RTN2: variants seen among roughly 807,000 people sequenced by gnomAD.
RTN2 encodes reticulon 2.
A neutral mutation model predicts 63.7 loss-of-function variants in RTN2; 36 were observed. The observed-to-expected ratio is 0.56, with a 90% CI of 0.43 to 0.75. The LOEUF (loss-of-function observed/expected upper bound fraction) is 0.75. Among genes scored for constraint, RTN2 ranks in the 30% least tolerant of loss-of-function variants. RTN2 has a pLI of 0.00. For missense variants in RTN2, 673 were observed against 705.1 expected (o/e 0.95, Z 0.52); for synonymous variants, 312 against 313.0 (o/e 1.00, Z 0.03).
In RTN2 at chr19:45,486,049, T is replaced by C; in HGVS notation, c.1556+6A>G. On this transcript the variant is annotated splice_donor_region_variant and intron_variant, in intron 10 of 10. Transcript: ENST00000245923. Reference sequence around the variant, plus strand: ...CCTCCCATCGACCTCCGCCCCATGCTCTTACTTAGCTTTGATGTGGCTCAA... The same window carrying C: ...CCTCCCATCGACCTCCGCCCCATGCCCTTACTTAGCTTTGATGTGGCTCAA... 3 of 1,613,784 alleles carry C rather than the reference T, an allele frequency of 1.9e-6. No individual in the cohort carries two copies. Among genetic ancestry groups the C allele is most frequent in the Non-Finnish European group, 2.5e-6 (3 of 1,179,860 alleles).
At position 45,491,399 on chromosome 19, in the gene RTN2, C is replaced by T. The variant is rs551472951; in HGVS notation, c.1033+1761G>A. 1.1e-4 allele frequency among the ~76,000 whole-genome samples: 16 copies of T among 147,092 alleles called. No individual in the cohort carries two copies. The South Asian group carries it at 3.5e-3, about 32-fold the overall frequency. Reference sequence around the variant, plus strand: ...TTTTTTGGACAAAGTCTTCCTCTGTCACCCAGGCTGGAGTACAGTGGCATG... The same window carrying T: ...TTTTTTGGACAAAGTCTTCCTCTGTTACCCAGGCTGGAGTACAGTGGCATG... On this transcript the variant is annotated intron_variant, in intron 5 of 10. Coordinates refer to ENST00000245923, the MANE Select transcript of RTN2 (RefSeq NM_005619.5).
intron 9 of RTN2, among the ~76,000 whole-genome samples, chr19:45,487,851 G>A (rs1219863710): frequency 1.3e-5 from 2 of 150,272 alleles, no homozygotes; most frequent in Non-Finnish European, 2.9e-5. Context: ...GCTGAGGCAG[G>A]AGAATCGCTT....
chr19:45,485,810 A>ATC, intron 10 of RTN2, 21 bp from the exon 11 acceptor site: 1 of 1,600,520 alleles, frequency 6.2e-7, no homozygotes, highest in Non-Finnish European at 8.6e-7. Context: ...AACAGGTGGG[A>ATC]TCACGAGGTG....
intron 5 of RTN2, among the ~76,000 whole-genome samples, chr19:45,490,380 T>C (rs188861952): frequency 1.1e-4 from 17 of 152,254 alleles, no homozygotes; most frequent in African/African-American, 4.1e-4. Flanking sequence ...TATTTAACCA[T>C]GTACCTATTG....
At position 45,494,003 on chromosome 19, in the gene RTN2, T is replaced by C; in HGVS notation, c.814+163A>G. 1 of 1,226,374 alleles carries C rather than the reference T, an allele frequency of 8.2e-7. No homozygotes were observed. The highest frequency in any genetic ancestry group is 1.1e-6 in the Non-Finnish European group (1 of 888,730). The allele number at this position is 1,226,374 out of a possible 1,614,324, so 76.0% of individuals were successfully genotyped here. ...CCGCGCCCGGCCGGGGAAATTTTTTTAAAAAGCGGAGTTTATCACGTCTAG... is the reference window on the plus strand; with the variant it reads ...CCGCGCCCGGCCGGGGAAATTTTTTCAAAAAGCGGAGTTTATCACGTCTAG... On this transcript the variant is annotated intron_variant, in intron 4 of 10. Coordinates refer to ENST00000245923, the MANE Select transcript of RTN2 (RefSeq NM_005619.5). This position sits in a 1 kb window ranked among gnomAD's most constrained non-coding sequence, Gnocchi z 5.3.
chr19:45,495,251 C>G (rs1968248415), intron 1 of RTN2, 112 bp from the exon 2 acceptor site: 2 of 1,254,724 alleles, frequency 1.6e-6, no homozygotes, highest in East Asian at 2.5e-5. Flanking sequence ...TTAGAACATT[C>G]TGCACACAGA....
In RTN2 at chr19:45,485,428, GA is replaced by G; in HGVS notation, c.*279del. 2.2e-6 allele frequency: 1 copy of G among 450,316 alleles called. No individual in the cohort carries two copies. The highest frequency in any genetic ancestry group is 4.0e-6 in the Non-Finnish European group (1 of 248,090). 27.9% of individuals were successfully genotyped at this position (450,316 alleles called of 1,614,324 possible). ...CACGGCGCCTCCAGCGGCGGGTCCG[GA>G]AGTGCAGGGTGGTGCCCTGTCTAGG... On this transcript the variant is annotated 3_prime_UTR_variant, in exon 11 of 11. Transcript: ENST00000245923.
At chr19:45,491,427 C>A (rs1356335457) in intron 5 of RTN2, among the ~76,000 whole-genome samples, 3 of 149,560 alleles carry the variant, frequency 2.0e-5, no homozygotes, top group African/African-American at 7.4e-5. Context: ...GTGGCATGAT[C>A]TCAGCTCACT....
intron 9 of RTN2, among the ~76,000 whole-genome samples, chr19:45,487,894 G>T (rs1300860239): frequency 1.4e-5 from 2 of 144,694 alleles, no homozygotes; most frequent in African/African-American, 2.6e-5. Context: ...AGTGAGCCAA[G>T]ATCGTGCCAC....
At chr19:45,486,488 T>A (rs1968023709) in intron 9 of RTN2, among the ~76,000 whole-genome samples, 1 of 152,036 alleles carries the variant, frequency 6.6e-6, no homozygotes, top group Non-Finnish European at 1.5e-5. Flanking sequence ...TATATACTCG[T>A]GTTTTTTAAA....
intron 10 of RTN2, 128 bp from the exon 11 acceptor site, chr19:45,485,917 G>T: frequency 8.8e-7 from 1 of 1,130,028 alleles, no homozygotes; most frequent in Non-Finnish European, 1.3e-6. Flanking sequence ...TCCACCTAGT[G>T]GCCTACATTG....
Position 45,494,512 on chromosome 19 carries a change from C to T in RTN2, c.559+14G>A. Reference sequence around the variant, plus strand: ...CCCCTCTTGGCTTTGGTCCCAGCACCTCGGACATCTCACCTTCCCCAGCTT... The same window carrying T: ...CCCCTCTTGGCTTTGGTCCCAGCACTTCGGACATCTCACCTTCCCCAGCTT... On this transcript the variant is annotated intron_variant, in intron 3 of 10. Transcript: ENST00000245923. The surrounding 1 kb of genome is among the most constrained non-coding windows in gnomAD (Gnocchi z 5.3). The T allele has an allele frequency of 1.9e-6, 3 of 1,611,538 alleles. No individual in the cohort carries two copies. Among genetic ancestry groups the T allele is most frequent in the Middle Eastern group, 1.7e-4 (1 of 6,048 alleles).
intron 9 of RTN2, among the ~76,000 whole-genome samples, chr19:45,487,586 T>G (rs1440720100): frequency 4.4e-5 from 4 of 91,320 alleles, no homozygotes; most frequent in Admixed American, 2.2e-4. Context: ...TTTTTTGGTT[T>G]TTTTTTTTTT....
intron 5 of RTN2, among the ~76,000 whole-genome samples, chr19:45,491,688 T>C (rs1036410263): frequency 1.3e-5 from 2 of 151,998 alleles, no homozygotes; most frequent in African/African-American, 2.4e-5. Flanking sequence ...CCCGTCACCA[T>C]GCCCGGCTAA....
At chr19:45,491,419 G>A (rs1427564834) in intron 5 of RTN2, among the ~76,000 whole-genome samples, 1 of 149,286 alleles carries the variant, frequency 6.7e-6, no homozygotes, top group East Asian at 2.0e-4. Flanking sequence ...GGAGTACAGT[G>A]GCATGATCTC....
At chr19:45,491,784 C>T (rs1251906193) in intron 5 of RTN2, among the ~76,000 whole-genome samples, 1 of 152,006 alleles carries the variant, frequency 6.6e-6, no homozygotes, top group African/African-American at 2.4e-5. Flanking sequence ...CCCACCTCGA[C>T]CTCCTAAACC....
At chr19:45,485,976 C>T (rs986462378) in intron 10 of RTN2, 79 bp downstream of exon 10, 2 of 1,425,300 alleles carry the variant, frequency 1.4e-6, no homozygotes, top group Non-Finnish European at 2.0e-6. Context: ...AGGAGATTTG[C>T]GGACAGCGAG....
intron 5 of RTN2, among the ~76,000 whole-genome samples, chr19:45,492,093 A>G (rs1411350671): frequency 6.6e-6 from 1 of 152,114 alleles, no homozygotes; most frequent in African/African-American, 2.4e-5. Flanking sequence ...GTGTAAAGTG[A>G]TATCCCCTTG....
chr19:45,494,045 G>A lies in RTN2; in HGVS notation c.814+121C>T. 2.9e-6 allele frequency: 4 copies of A among 1,402,332 alleles called. No homozygotes were observed. The highest frequency in any genetic ancestry group is 2.3e-5 in the East Asian group (1 of 43,666). 86.9% of individuals were successfully genotyped at this position (1,402,332 alleles called of 1,614,324 possible). On this transcript the variant is annotated intron_variant, in intron 4 of 10. Transcript: ENST00000245923. This position sits in a 1 kb window ranked among gnomAD's most constrained non-coding sequence, Gnocchi z 5.3. ...CACGTCTAGCCAGATGTGATATCACGTCTATCTCTTCCCTTTTCCACTATG... is the reference window on the plus strand; with the variant it reads ...CACGTCTAGCCAGATGTGATATCACATCTATCTCTTCCCTTTTCCACTATG...
Sources: allele counts gnomAD v4.1 joint callset (sites outside exome capture counted in the v4.1 genomes callset), GRCh38; gene constraint gnomAD v4.1.1; non-coding constraint Gnocchi (gnomAD v3.1); transcripts MANE v1.5; gene names NCBI Gene and HGNC (gene_info 2026-07-23, HGNC 2026-07-21).